SGCE: variants seen among roughly 807,000 people sequenced by gnomAD.
SGCE encodes the protein epsilon-sarcoglycan.
Under a neutral mutation model 57.8 loss-of-function variants are expected in SGCE, and 26 were observed. The ratio of observed to expected loss-of-function variants is 0.45; its 90% CI spans 0.33 to 0.62. The LOEUF (loss-of-function observed/expected upper bound fraction) is 0.62, where lower values mean the gene tolerates loss of function less well. SGCE is among the 20% of genes least tolerant of loss of function. The pLI, the probability that SGCE is intolerant of heterozygous loss-of-function variation, is 0.02. For missense variants in SGCE, 468 were observed against 548.6 expected (o/e 0.85, Z 1.47); for synonymous variants, 183 against 189.5 (o/e 0.97, Z 0.28).
chr7:94,629,844 GAAAAC>G lies in SGCE; in HGVS notation c.110-8_110-4del. The G allele has an allele frequency of 6.2e-7, 1 of 1,610,260 alleles. No homozygotes were observed. The highest frequency in any genetic ancestry group is 8.5e-7 in the Non-Finnish European group (1 of 1,177,218). On this transcript the variant is annotated splice_region_variant and splice_polypyrimidine_tract_variant and intron_variant, in intron 1 of 10. Transcript: ENST00000648936. ...TACCTTGGAGAAAATACTGTACACT[GAAAAC>G]AAAGAGGAAAGATAAGTGACAGAAA... is the stretch of plus-strand genomic sequence containing the variant.
At chr7:94,597,669 T>G (rs557611674) in intron 9 of SGCE, 1 of 152,230 alleles carries the variant, frequency 6.6e-6, no homozygotes, top group African/African-American at 2.4e-5. Flanking sequence ...CTTCATGACT[T>G]CTAGTGCTTA....
chr7:94,585,843 T>A (rs1562774571), intron 10 of SGCE, among the ~76,000 whole-genome samples: 1 of 151,768 alleles, frequency 6.6e-6, no homozygotes, highest in East Asian at 1.9e-4. Context: ...TCGTGGCTTT[T>A]AAAAAAATAT....
intron 1 of SGCE, among the ~76,000 whole-genome samples, chr7:94,653,113 C>A (rs1001403851): frequency 2.6e-5 from 4 of 152,036 alleles, no homozygotes; most frequent in African/African-American, 9.7e-5. Context: ...GTTTTGAAAT[C>A]GTTTTCTAAA....
chr7:94,629,299 C>A, intron 2 of SGCE: 1 of 159,924 alleles, frequency 6.3e-6, no homozygotes, highest in Non-Finnish European at 1.4e-5. Flanking sequence ...ATAAAATTAT[C>A]TCCTATTGTA....
intron 5 of SGCE, among the ~76,000 whole-genome samples, chr7:94,605,311 A>G (rs530848506): frequency 1.3e-5 from 2 of 150,420 alleles, no homozygotes; most frequent in South Asian, 2.1e-4. Flanking sequence ...GGAAAATGAT[A>G]TAAGTCAGAA....
chr7:94,588,372 C>G (rs1403618886), intron 10 of SGCE: 2 of 1,142,964 alleles, frequency 1.7e-6, no homozygotes, highest in Non-Finnish European at 2.2e-6. Context: ...TGCATCCAAG[C>G]TAAGAATCTT....
intron 6 of SGCE, among the ~76,000 whole-genome samples, chr7:94,601,763 GAACT>G (rs1470219665): frequency 1.1e-4 from 16 of 152,042 alleles, no homozygotes; most frequent in African/African-American, 3.4e-4. Context: ...TTAAAAATGA[GAACT>G]AAATATGAAT....
Position 94,598,909 on chromosome 7 carries a change from GTCTCGAAGC to G in SGCE, c.1110_1118del (p.Glu370_Arg372del). The G allele has an allele frequency of 6.2e-7, 1 of 1,613,890 alleles. No individual in the cohort carries two copies. The highest frequency in any genetic ancestry group is 8.5e-7 in the Non-Finnish European group (1 of 1,179,834). On this transcript the variant is annotated inframe_deletion, in exon 9 of 11. Coordinates refer to ENST00000648936, the MANE Select transcript of SGCE (RefSeq NM_003919.3). ...ATGCTATCTCTCTATTCTTGGACAT[GTCTCGAAGC>G]TCCTTGGTAGATTTCTGAATAGCAC... is the stretch of plus-strand genomic sequence containing the variant.
Position 94,585,386 on chromosome 7 carries a change from A to G in SGCE, c.*113T>C. 1 of 911,986 alleles carries G rather than the reference A, an allele frequency of 1.1e-6. No homozygotes were observed. Among genetic ancestry groups the G allele is most frequent in the South Asian group, 1.3e-5 (1 of 74,804 alleles). 56.5% of individuals were successfully genotyped at this position (911,986 alleles called of 1,614,324 possible). A position where few individuals can be genotyped will look rare whatever the true frequency, so the allele number is the denominator to read the frequency against. On this transcript the variant is annotated 3_prime_UTR_variant, in exon 11 of 11. Transcript: ENST00000648936. ...ATTTGGTATACACTTAATACTGCCAACATGCATAACATATGCCAGAAAAGC... is the reference window on the plus strand; with the variant it reads ...ATTTGGTATACACTTAATACTGCCAGCATGCATAACATATGCCAGAAAAGC...
intron 1 of SGCE, among the ~76,000 whole-genome samples, chr7:94,655,753 A>C (rs1808542181): frequency 7.5e-6 from 1 of 133,976 alleles, no homozygotes; most frequent in Admixed American, 7.5e-5. Flanking sequence ...CAGAGCAGGG[A>C]GGGGCCCGCG....
At chr7:94,630,884 G>A (rs963560363) in intron 1 of SGCE, among the ~76,000 whole-genome samples, 1 of 151,888 alleles carries the variant, frequency 6.6e-6, no homozygotes, top group African/African-American at 2.4e-5. Context: ...GCCTTGGATA[G>A]CAAGATCACT....
intron 5 of SGCE, among the ~76,000 whole-genome samples, chr7:94,604,282 A>G (rs1237160762): frequency 6.6e-6 from 1 of 152,086 alleles, no homozygotes; most frequent in African/African-American, 2.4e-5. Context: ...CCTTTTCATA[A>G]TGACAATGCT....
chr7:94,600,463 G>A, intron 7 of SGCE, 183 bp downstream of exon 7: 1 of 577,594 alleles, frequency 1.7e-6, no homozygotes, highest in East Asian at 2.9e-5. Flanking sequence ...CCCCTAATTT[G>A]ATTTACTAGA....
intron 9 of SGCE, among the ~76,000 whole-genome samples, chr7:94,592,352 A>G (rs992952653): frequency 7.9e-5 from 12 of 152,316 alleles, no homozygotes; most frequent in South Asian, 2.1e-4. Flanking sequence ...TGGTGAGAGC[A>G]GGCTGCTAAA....
intron 10 of SGCE, among the ~76,000 whole-genome samples, chr7:94,586,334 C>T (rs555856232): frequency 6.6e-6 from 1 of 152,186 alleles, no homozygotes; most frequent in South Asian, 2.1e-4. Flanking sequence ...CTGCCGTACT[C>T]ACAAAAATAT....
chr7:94,619,628 CTT>C (rs372775198), intron 4 of SGCE: 16 of 152,286 alleles, frequency 1.1e-4, no homozygotes, highest in African/African-American at 3.1e-4. Flanking sequence ...TAATTGTTCT[CTT>C]ACGATAAATA....
At chr7:94,588,891 A>G (rs779758246) in intron 9 of SGCE, 159 bp from the exon 10 acceptor site, 181 of 746,676 alleles carry the variant, frequency 2.4e-4, no homozygotes, top group Non-Finnish European at 1.0e-4. Context: ...AGATGAGGAA[A>G]CTGAGGTCTG....
chr7:94,622,181 T>G (rs1376574486), intron 4 of SGCE: 1 of 152,226 alleles, frequency 6.6e-6, no homozygotes, highest in Admixed American at 6.5e-5. Flanking sequence ...TCATTTGTTT[T>G]TAGTTGCACT....
intron 1 of SGCE, among the ~76,000 whole-genome samples, chr7:94,654,095 T>A (rs932686439): frequency 1.3e-5 from 2 of 152,160 alleles, no homozygotes; most frequent in African/African-American, 4.8e-5. Flanking sequence ...TTTACTGGTG[T>A]TATTGCAGGG....
Sources: gnomAD v4.1 joint callset for allele counts (sites outside exome capture counted in the v4.1 genomes callset) on GRCh38, gnomAD v4.1.1 for gene constraint, MANE v1.5 for transcripts, NCBI Gene and HGNC (gene_info 2026-07-23, HGNC 2026-07-21) for gene names.